The following TJP2 variants were observed in gnomAD, a reference collection of about 807,000 sequenced individuals.
TJP2 encodes the protein Friedreich ataxia region gene X104 (tight junction protein ZO-2).
Under a neutral mutation model 133.1 loss-of-function variants are expected in TJP2, and 91 were observed. That is an observed-to-expected ratio of 0.68 (90% CI 0.58 to 0.81). The LOEUF (loss-of-function observed/expected upper bound fraction) is 0.81, where lower values mean the gene tolerates loss of function less well. Among genes scored for constraint, TJP2 ranks in the 40% least tolerant of loss-of-function variants. The pLI, the probability that TJP2 is intolerant of heterozygous loss-of-function variation, is 0.00. For synonymous variants in TJP2, 592 were observed against 583.4 expected (o/e 1.01, Z -0.21); for missense variants, 1,541 against 1,565.6 (o/e 0.98, Z 0.26).
rs549256839 is a variant in TJP2 at position 69,209,948 on chromosome 9, T to C, written c.61-2600T>C. 7.2e-5 allele frequency among the ~76,000 whole-genome samples: 11 copies of C among 152,152 alleles called. 1 individual carries two copies. Among genetic ancestry groups the C allele is most frequent in the Admixed American group, 6.5e-4 (10 of 15,288 alleles). On this transcript the variant is annotated intron_variant, in intron 1 of 22. Coordinates refer to ENST00000377245, the MANE Select transcript of TJP2 (RefSeq NM_004817.4). ...TTTAGTTCACCCACCTCACGTATGCTATCAAAGAAGCAGAGAGCCACGAAT... is the reference window on the plus strand; with the variant it reads ...TTTAGTTCACCCACCTCACGTATGCCATCAAAGAAGCAGAGAGCCACGAAT...
At chr9:69,235,997 G>T in intron 12 of TJP2, 31 bp from the exon 13 acceptor site, 2 of 1,606,918 alleles carry the variant, frequency 1.2e-6, no homozygotes, top group South Asian at 1.1e-5. Context: ...GTACTAAGCT[G>T]AATGCAACAA....
intron 17 of TJP2, chr9:69,246,409 A>G (rs1483538174): frequency 5.4e-5 from 22 of 409,144 alleles, no homozygotes; most frequent in Non-Finnish European, 1.0e-4. Flanking sequence ...ACATGTTCTT[A>G]AAAACATTTT....
upstream of TJP2, chr9:69,121,306 G>A: frequency 4.1e-6 from 4 of 985,354 alleles, no homozygotes; most frequent in Non-Finnish European, 3.6e-6. Context: ...AGCGCTGCGA[G>A]CAGCTGCGTC....
rs1485042436 is a variant in TJP2 at position 69,174,353 on chromosome 9, A to G, written c.-20A>G. 4 of 1,551,172 alleles carry G rather than the reference A, an allele frequency of 2.6e-6. No individual in the cohort carries two copies. The African/African-American group carries it at 5.5e-5, about 21-fold the overall frequency. On this transcript the variant is annotated 5_prime_UTR_variant, in exon 1 of 23. Transcript: ENST00000377245. ...AAGCGGGGTCCGGAGCTGCGCGCCT[A>G]CGCGGGACCTGTGTCCGAAATGCCG...
Position 69,236,039 on chromosome 9 carries a change from A to G in TJP2, c.1792A>G (p.Ile598Val). Reference protein sequence around the residue: ...AQSRADVYRDILACGRGDSFF... With the variant: ...AQSRADVYRDVLACGRGDSFF... ...CTTTTGTCTTTCAGTGTATAGAGACATCCTGGCTTGTGGCAGAGGGGATTC... is the reference window on the plus strand; with the variant it reads ...CTTTTGTCTTTCAGTGTATAGAGACGTCCTGGCTTGTGGCAGAGGGGATTC... Residue 598 changes from isoleucine to valine, a missense_variant, in exon 13 of 23, where the codon ATC becomes GTC. Transcript: ENST00000377245. 6.2e-7 allele frequency: 1 copy of G among 1,614,190 alleles called. No homozygotes were observed.
chr9:69,251,931 G>A (rs1209594519), intron 21 of TJP2, among the ~76,000 whole-genome samples: 1 of 152,090 alleles, frequency 6.6e-6, no homozygotes, highest in African/African-American at 2.4e-5. Flanking sequence ...TTCTTTTCTT[G>A]TCGTAAAATA....
chr9:69,234,310 A>G, intron 11 of TJP2, 129 bp from the exon 12 acceptor site: 1 of 727,738 alleles, frequency 1.4e-6, no homozygotes, highest in Non-Finnish European at 2.2e-6. Flanking sequence ...TTTGCTCTGG[A>G]CAGGCCCTGA....
intron 1 of TJP2, among the ~76,000 whole-genome samples, chr9:69,143,915 A>G (rs1246928287): frequency 2.6e-5 from 4 of 152,238 alleles, no homozygotes; most frequent in African/African-American, 7.2e-5. Flanking sequence ...TGAGTATATT[A>G]GTTTGTAAAT....
chr9:69,208,964 G>A (rs1827644693), intron 1 of TJP2, among the ~76,000 whole-genome samples: 1 of 152,070 alleles, frequency 6.6e-6, no homozygotes, highest in African/African-American at 2.4e-5. Context: ...GAGAAGATGA[G>A]CTTGGAGAAG....
chr9:69,144,708 T>C (rs906193792), intron 1 of TJP2, among the ~76,000 whole-genome samples: 4 of 152,236 alleles, frequency 2.6e-5, no homozygotes, highest in Admixed American at 1.3e-4. Context: ...TTCTTGGTAC[T>C]GTTTTTCTCA....
At position 69,234,561 on chromosome 9, in the gene TJP2, GTCATTTAGTTTAGTT is replaced by G; in HGVS notation, c.1780+15_1780+29del. ...GCCGAGCCGATGGTGAGCAAATTTG[GTCATTTAGTTTAGTT>G]GGGGTGGGGGTGGGGAGTGGGAAGG... On this transcript the variant is annotated intron_variant, in intron 12 of 22. Transcript: ENST00000377245. The G allele has an allele frequency of 4.5e-6, 2 of 444,742 alleles. No individual in the cohort carries two copies. The highest frequency in any genetic ancestry group is 8.1e-6 in the Non-Finnish European group (2 of 245,480). 27.5% of individuals were successfully genotyped at this position (444,742 alleles called of 1,614,324 possible).
intron 4 of TJP2, chr9:69,218,667 A>G (rs1828571641): frequency 2.6e-6 from 1 of 379,158 alleles, no homozygotes; most frequent in African/African-American, 2.1e-5. Flanking sequence ...TTAATTTAGA[A>G]AAAAACTTTC....
At chr9:69,224,867 G>A (rs1041660629) in intron 5 of TJP2, among the ~76,000 whole-genome samples, 2 of 151,012 alleles carry the variant, frequency 1.3e-5, no homozygotes, top group African/African-American at 4.9e-5. Context: ...GTAAGTTGCA[G>A]GCAACTCACC....
rs146216615 is a variant in TJP2 at position 69,192,263 on chromosome 9, C to T, written c.60+17831C>T. On this transcript the variant is annotated intron_variant, in intron 1 of 22. Transcript: ENST00000377245. ...AGAAGTTTAAGACCAGCATGGGCAA[C>T]ATAGCAAGAACTTGTATCAAAAAAA... 2.3e-3 allele frequency among the ~76,000 whole-genome samples: 346 copies of T among 151,402 alleles called. 5 individuals are homozygous for T. The East Asian group carries it at 0.056, about 25-fold the overall frequency.
At chr9:69,228,825 C>G (rs1172714232) in intron 9 of TJP2, among the ~76,000 whole-genome samples, 1 of 152,084 alleles carries the variant, frequency 6.6e-6, no homozygotes, top group African/African-American at 2.4e-5. Flanking sequence ...TGATCCTGAC[C>G]TCTTCCCCCA....
At chr9:69,197,818 G>C (rs990836641) in intron 1 of TJP2, among the ~76,000 whole-genome samples, 1 of 152,174 alleles carries the variant, frequency 6.6e-6, no homozygotes, top group East Asian at 1.9e-4. Context: ...TTAGACCCAG[G>C]TGTGTGTGAC....
chr9:69,252,428 C>T (rs1831406503), intron 21 of TJP2, among the ~76,000 whole-genome samples: 1 of 152,170 alleles, frequency 6.6e-6, no homozygotes, highest in Non-Finnish European at 1.5e-5. Flanking sequence ...TACTAACTCA[C>T]CACTCTCCTC....
intron 2 of TJP2, among the ~76,000 whole-genome samples, chr9:69,160,309 T>A (rs968395571): frequency 1.3e-5 from 2 of 152,244 alleles, no homozygotes; most frequent in South Asian, 4.1e-4. Flanking sequence ...CTTATGACTT[T>A]GGAGGTAGGA....
At chr9:69,156,863 G>A (rs1823796747) in intron 2 of TJP2, among the ~76,000 whole-genome samples, 1 of 152,180 alleles carries the variant, frequency 6.6e-6, no homozygotes, top group Non-Finnish European at 1.5e-5. Context: ...GGCAGAGCAG[G>A]ACAACTCAAA....
Sources: allele counts gnomAD v4.1 joint callset (sites outside exome capture counted in the v4.1 genomes callset), GRCh38; gene constraint gnomAD v4.1.1; transcripts MANE v1.5; gene names NCBI Gene and HGNC (gene_info 2026-07-23, HGNC 2026-07-21).